CSMD1: variants seen among roughly 807,000 people sequenced by gnomAD.
The protein encoded by CSMD1 is CUB and Sushi multiple domains 1.
A neutral mutation model predicts 417.5 loss-of-function variants in CSMD1; 213 were observed. The ratio of observed to expected loss-of-function variants is 0.51; its 90% CI spans 0.46 to 0.57. CSMD1 has a LOEUF of 0.57. CSMD1 is among the 20% of genes least tolerant of loss of function. CSMD1 has a pLI of 0.00. For synonymous variants in CSMD1, 2,862 were observed against 1,736.8 expected, an observed-to-expected ratio of 1.65 and a Z score of -16.11; for missense variants, 6,923 against 4,529.7, an observed-to-expected ratio of 1.53 and a Z score of -15.17.
chr8:3,084,018 T>TTTG (rs1300122004), intron 49 of CSMD1, among the ~76,000 whole-genome samples: 1 of 152,084 alleles, frequency 6.6e-6, no homozygotes, highest in African/African-American at 2.4e-5. Context: ...AACAAATCTT[T>TTTG]TTGTTGTTGT....
In CSMD1 at chr8:2,963,294, G is replaced by T; in HGVS notation, c.9382C>A (p.Gln3128Lys). The change falls in exon 60 of 70, where the codon CAG becomes AAG. Residue 3128 changes from glutamine to lysine, a missense_variant. Transcript: ENST00000635120. Reference sequence around the variant, plus strand: ...GAGAGGATGGCGGAGTGAGAGAGCTGGTAACCGTCCATGCAGCTGTAACTT... The same window carrying T: ...GAGAGGATGGCGGAGTGAGAGAGCTTGTAACCGTCCATGCAGCTGTAACTT... ...SISYSCMDGY[Q>K]LSHSAILSCE... The T allele has an allele frequency of 6.2e-7, 1 of 1,613,958 alleles. No individual in the cohort carries two copies.
At chr8:3,043,689 T>G (rs527266333) in intron 50 of CSMD1, 10 of 152,262 alleles carry the variant, frequency 6.6e-5, no homozygotes, top group African/African-American at 2.2e-4. Context: ...CACACATTTA[T>G]TAAACATATT....
At chr8:4,751,308 C>G (rs1811309771) in intron 1 of CSMD1, among the ~76,000 whole-genome samples, 1 of 151,972 alleles carries the variant, frequency 6.6e-6, no homozygotes, top group South Asian at 2.1e-4. Flanking sequence ...TCGCTTGAAC[C>G]CAGGAAGTGG....
intron 1 of CSMD1, among the ~76,000 whole-genome samples, chr8:4,917,886 G>C (rs760637942): frequency 4.6e-5 from 7 of 152,110 alleles, no homozygotes; most frequent in African/African-American, 7.2e-5. Context: ...GGAAGGCTAG[G>C]TACGATTCAA....
At chr8:3,084,987 T>C (rs1023085283) in intron 49 of CSMD1, among the ~76,000 whole-genome samples, 3 of 151,992 alleles carry the variant, frequency 2.0e-5, no homozygotes, top group Non-Finnish European at 2.9e-5. Flanking sequence ...ATTGTAAATA[T>C]CTAAAAGGTG....
At chr8:3,855,015 G>A (rs562579946) in intron 5 of CSMD1, among the ~76,000 whole-genome samples, 258 of 151,992 alleles carry the variant, frequency 1.7e-3, no homozygotes, top group African/African-American at 5.8e-3. Flanking sequence ...ATACACATTC[G>A]GAAATAAACA....
intron 2 of CSMD1, among the ~76,000 whole-genome samples, chr8:4,591,792 C>T (rs1478100901): frequency 6.6e-6 from 1 of 152,076 alleles, no homozygotes; most frequent in Non-Finnish European, 1.5e-5. Flanking sequence ...GGGGAATGTA[C>T]TCAGCAATGA....
chr8:4,628,264 T>C (rs1390305629), intron 2 of CSMD1, among the ~76,000 whole-genome samples: 2 of 151,468 alleles, frequency 1.3e-5, no homozygotes, highest in African/African-American at 4.8e-5. Flanking sequence ...TGGTCTTTCA[T>C]ACCTCTTGTA....
At chr8:4,133,153 G>C (rs989718162) in intron 3 of CSMD1, among the ~76,000 whole-genome samples, 5 of 152,106 alleles carry the variant, frequency 3.3e-5, no homozygotes, top group East Asian at 1.9e-4. Flanking sequence ...GGCCAGGCTG[G>C]TCTCAAACTC....
At chr8:4,238,694 C>T (rs1447439648) in intron 3 of CSMD1, among the ~76,000 whole-genome samples, 3 of 152,148 alleles carry the variant, frequency 2.0e-5, no homozygotes, top group South Asian at 2.1e-4. Flanking sequence ...CCCTCAATAC[C>T]TGTTAGCTGT....
intron 25 of CSMD1, among the ~76,000 whole-genome samples, chr8:3,297,711 C>T (rs898739845): frequency 3.3e-5 from 5 of 152,024 alleles, no homozygotes; most frequent in South Asian, 2.1e-4. Context: ...AGAAGAAAAC[C>T]TAAGATAATA....
chr8:4,517,976 T>G (rs1803215861), intron 2 of CSMD1, among the ~76,000 whole-genome samples: 1 of 152,182 alleles, frequency 6.6e-6, no homozygotes, highest in South Asian at 2.1e-4. Context: ...ATTCTAAACC[T>G]GTTCTATTCA....
rs1031297237 is a variant in CSMD1, at chr8:3,307,901, C to G, written c.3824-80G>C. ...ATTTAGCTACTTTTCAAAACCAAAGCCATTATGTCTGCATTATATACATAG... is the reference window on the plus strand; with the variant it reads ...ATTTAGCTACTTTTCAAAACCAAAGGCATTATGTCTGCATTATATACATAG... On this transcript the variant is annotated intron_variant, in intron 24 of 69. Transcript: ENST00000635120. 6.9e-5 allele frequency: 102 copies of G among 1,479,842 alleles called. 1 individual carries two copies. The highest frequency in any genetic ancestry group is 1.6e-4 in the Admixed American group (8 of 49,566). The allele number at this position is 1,479,842 out of a possible 1,614,324, so 91.7% of individuals were successfully genotyped here.
At chr8:3,262,184 AATAT>A (rs201972449) in intron 26 of CSMD1, among the ~76,000 whole-genome samples, 2,038 of 62,644 alleles carry the variant, frequency 0.033, 22 homozygotes, top group South Asian at 0.068. Context: ...TGCTCATATG[AATAT>A]ATATATATAT....
At chr8:4,669,513 C>G (rs1426176884) in intron 1 of CSMD1, among the ~76,000 whole-genome samples, 1 of 152,168 alleles carries the variant, frequency 6.6e-6, no homozygotes, top group African/African-American at 2.4e-5. Flanking sequence ...TGCCTACCCA[C>G]TTCTTCCAAA....
intron 5 of CSMD1, among the ~76,000 whole-genome samples, chr8:3,931,230 T>C (rs1396591195): frequency 6.6e-6 from 1 of 150,668 alleles, no homozygotes; most frequent in Admixed American, 6.6e-5. Context: ...CGGAGAATGA[T>C]AATACATTTT....
chr8:4,916,018 C>A (rs547791661), intron 1 of CSMD1, among the ~76,000 whole-genome samples: 2 of 152,228 alleles, frequency 1.3e-5, no homozygotes, highest in Admixed American at 1.3e-4. Context: ...CACCTGTTGC[C>A]CCTCGTTCAT....
chr8:3,836,139 T>G (rs1335265641), intron 5 of CSMD1, among the ~76,000 whole-genome samples: 1 of 152,310 alleles, frequency 6.6e-6, no homozygotes, highest in East Asian at 1.9e-4. Context: ...GGTGTGAAGT[T>G]ATTTTTTTCT....
At chr8:3,444,296 G>C (rs1004900699) in intron 12 of CSMD1, among the ~76,000 whole-genome samples, 2 of 152,206 alleles carry the variant, frequency 1.3e-5, no homozygotes, top group Non-Finnish European at 2.9e-5. Flanking sequence ...GGATGGCAAA[G>C]AAGCTATCAT....
Sources: gnomAD v4.1 joint callset for allele counts (sites outside exome capture counted in the v4.1 genomes callset) on GRCh38, gnomAD v4.1.1 for gene constraint, MANE v1.5 for transcripts, NCBI Gene and HGNC (gene_info 2026-07-23, HGNC 2026-07-21) for gene names.